GABPB2: variants seen among roughly 807,000 people sequenced by gnomAD.
The protein encoded by GABPB2 is GA-binding protein subunit beta-2.
Under a neutral mutation model 39.1 loss-of-function variants are expected in GABPB2, and 23 were observed. The observed-to-expected ratio is 0.59, with a 90% CI of 0.42 to 0.83. GABPB2 has a LOEUF of 0.83. Among genes scored for constraint, GABPB2 ranks in the 40% least tolerant of loss-of-function variants. GABPB2 has a pLI of 0.00. For missense variants in GABPB2, 467 were observed against 541.1 expected (o/e 0.86, Z 1.36); for synonymous variants, 184 against 199.3 (o/e 0.92, Z 0.65).
intron 4 of GABPB2, among the ~76,000 whole-genome samples, chr1:151,096,541 A>G (rs963398302): frequency 1.3e-5 from 2 of 152,056 alleles, no homozygotes; most frequent in Non-Finnish European, 2.9e-5. Context: ...TGAACTTTCA[A>G]TTCTTTGTTT....
At chr1:151,073,187 TTATTTTTG>T (rs1311501971) in intron 1 of GABPB2, 1 of 152,078 alleles carries the variant, frequency 6.6e-6, no homozygotes, top group Non-Finnish European at 1.5e-5. Context: ...GCTAATTTTT[TTATTTTTG>T]TATTTTTGTA....
chr1:151,073,925 A>G (rs1441494978), intron 1 of GABPB2, among the ~76,000 whole-genome samples: 1 of 151,908 alleles, frequency 6.6e-6, no homozygotes, highest in Non-Finnish European at 1.5e-5. Flanking sequence ...GCTAAAAAAG[A>G]AAGTAAAGAA....
chr1:151,094,170 G>A lies in GABPB2; in HGVS notation c.471+784G>A, dbSNP rs587599698. ...GGGTTTGAGGGATTCTTCCACCTTA[G>A]CCTCCCGAGCAGCTGGGACAATAGC... On this transcript the variant is annotated intron_variant, in intron 4 of 8. Coordinates refer to ENST00000368918, the MANE Select transcript of GABPB2 (RefSeq NM_144618.3). 4.8e-5 allele frequency among the ~76,000 whole-genome samples: 7 copies of A among 145,296 alleles called. 1 individual carries two copies. The South Asian group carries it at 1.5e-3, about 32-fold the overall frequency.
chr1:151,112,770 C>A, intron 7 of GABPB2: 1 of 164,644 alleles, frequency 6.1e-6, no homozygotes, highest in South Asian at 1.5e-4. Context: ...AAGGAGCTCC[C>A]GAATTTTTTT....
intron 7 of GABPB2, among the ~76,000 whole-genome samples, chr1:151,107,921 T>A (rs139857286): frequency 0.016 from 2,349 of 150,768 alleles, 65 homozygotes; most frequent in African/African-American, 0.054. Flanking sequence ...GATGACAGAG[T>A]GAGACTCTGT....
chr1:151,111,647 C>T (rs952123463), intron 7 of GABPB2, among the ~76,000 whole-genome samples: 18 of 150,598 alleles, frequency 1.2e-4, no homozygotes, highest in African/African-American at 4.1e-4. Context: ...CTCCTGACCT[C>T]GTGATCCACC....
rs1681335574 is a variant in GABPB2, at chr1:151,125,356, C to A, written c.*7100C>A. 1 of 152,086 alleles carries A rather than the reference C, an allele frequency of 6.6e-6. No individual in the cohort carries two copies. The highest frequency in any genetic ancestry group is 6.6e-5 in the Admixed American group (1 of 15,244). The allele number at this position is 152,086 out of a possible 1,614,324, so 9.4% of individuals were successfully genotyped here. ...TCAGGTTGTCTGACAGCTTTATGTA[C>A]AGCGTATTTTTAGAAAAACTTAAAT... On this transcript the variant is annotated 3_prime_UTR_variant, in exon 9 of 9. Coordinates refer to ENST00000368918, the MANE Select transcript of GABPB2 (RefSeq NM_144618.3).
At chr1:151,104,522 C>A (rs1220174557) in intron 6 of GABPB2, among the ~76,000 whole-genome samples, 1 of 152,160 alleles carries the variant, frequency 6.6e-6, no homozygotes, top group Non-Finnish European at 1.5e-5. Flanking sequence ...TTAAACTTGT[C>A]CTTGCTATTC....
In GABPB2 at chr1:151,107,168, C is replaced by A. The variant is rs1262182125; in HGVS notation, c.868C>A (p.Pro290Thr). The A allele has an allele frequency of 1.2e-6, 2 of 1,609,886 alleles. No homozygotes were observed. Among genetic ancestry groups the A allele is most frequent in the East Asian group, 2.2e-5 (1 of 44,684 alleles). ...TCTGGGTAATATCCAAACTTCAATC[C>A]CTACTGGAGGCATTGGCCAGCCATT... ...VPLGNIQTSIPTGGIGQPFIV... is the reference protein window; with the variant it reads ...VPLGNIQTSITTGGIGQPFIV... The change falls in exon 7 of 9, where the codon CCT (proline) becomes ACT (threonine). Residue 290 changes from proline to threonine, a missense_variant. Coordinates refer to ENST00000368918, the MANE Select transcript of GABPB2 (RefSeq NM_144618.3).
intron 1 of GABPB2, among the ~76,000 whole-genome samples, chr1:151,071,513 C>G (rs1037443004): frequency 7.5e-6 from 1 of 133,710 alleles, no homozygotes; most frequent in Non-Finnish European, 1.5e-5. Context: ...AGTGCAGTGG[C>G]GCGATTTCGG....
chr1:151,117,288 C>A, intron 7 of GABPB2, 104 bp from the exon 8 acceptor site: 2 of 1,261,710 alleles, frequency 1.6e-6, no homozygotes, highest in African/African-American at 1.5e-5. Context: ...ACCACTGTAC[C>A]CAACCTAGAA....
chr1:151,089,656 T>C (rs1429136224), intron 2 of GABPB2, among the ~76,000 whole-genome samples: 1 of 152,176 alleles, frequency 6.6e-6, no homozygotes, highest in Non-Finnish European at 1.5e-5. Context: ...TTTATTTATT[T>C]ATTTTTTAAT....
chr1:151,086,894 G>A (rs191034640), intron 1 of GABPB2, among the ~76,000 whole-genome samples: 58 of 151,944 alleles, frequency 3.8e-4, no homozygotes, highest in Admixed American at 3.2e-3. Context: ...TCGCTCTGTC[G>A]CCCAGACTGG....
At chr1:151,079,885 A>G (rs587650762) in intron 1 of GABPB2, among the ~76,000 whole-genome samples, 1 of 150,396 alleles carries the variant, frequency 6.6e-6, no homozygotes, top group East Asian at 2.0e-4. Flanking sequence ...AACGAGCAAA[A>G]CTCTGTCACA....
Position 151,118,188 on chromosome 1 carries a change from A to G in GABPB2, c.1279A>G (p.Lys427Glu). Residue 427 changes from lysine (K) to glutamate (E), a missense_variant, in exon 9 of 9, where the codon AAA (lysine) becomes GAA (glutamate). By Grantham distance (56) the Lys-to-Glu change is moderately conservative. Transcript: ENST00000368918. The part of the protein sequence containing the change: ...TEGELEERET[K>E]VTGSAGTTEP... ...GGGGGAGTTGGAAGAGAGAGAGACA[A>G]AAGTGACTGGGTCAGCAGGGACCAC... 6.2e-7 allele frequency: 1 copy of G among 1,614,176 alleles called. No homozygotes were observed. Among genetic ancestry groups the G allele is most frequent in the Middle Eastern group, 1.6e-4 (1 of 6,062 alleles).
intron 1 of GABPB2, among the ~76,000 whole-genome samples, chr1:151,080,232 A>AGC (rs1474872516): frequency 8.4e-6 from 1 of 118,944 alleles, no homozygotes; most frequent in Non-Finnish European, 1.7e-5. Flanking sequence ...AAAAAAAAAA[A>AGC]AAAAAAAAAA....
intron 6 of GABPB2, among the ~76,000 whole-genome samples, chr1:151,104,818 T>TCTTTC (rs1558151579): frequency 1.3e-4 from 20 of 150,440 alleles, no homozygotes; most frequent in South Asian, 4.2e-4. Context: ...TTCTTTCCTT[T>TCTTTC]CTTTCTTTCT....
intron 3 of GABPB2, 54 bp downstream of exon 3, chr1:151,090,627 G>A (rs1385995708): frequency 2.8e-5 from 44 of 1,548,710 alleles, no homozygotes; most frequent in Non-Finnish European, 3.4e-5. Context: ...CCACTTTCCT[G>A]TTTTCTTACT....
chr1:151,077,328 G>A (rs1677250821), intron 1 of GABPB2, among the ~76,000 whole-genome samples: 1 of 150,674 alleles, frequency 6.6e-6, no homozygotes, highest in South Asian at 2.1e-4. Flanking sequence ...TGGGACCTCA[G>A]GAGGGGAGGA....
Sources: gnomAD v4.1 joint callset for allele counts (sites outside exome capture counted in the v4.1 genomes callset) on GRCh38, gnomAD v4.1.1 for gene constraint, MANE v1.5 for transcripts, NCBI Gene and HGNC (gene_info 2026-07-23, HGNC 2026-07-21) for gene names.